MYCN: variants seen among roughly 807,000 people sequenced by gnomAD.
MYCN encodes MYCN proto-oncogene, bHLH transcription factor, also known as N-myc proto-oncogene protein.
A neutral mutation model predicts 28.1 loss-of-function variants in MYCN; 3 were observed. That is an observed-to-expected ratio of 0.11 (90% CI 0.05 to 0.28). MYCN has a LOEUF of 0.28. MYCN is among the 10% of genes least tolerant of loss of function. MYCN has a pLI of 1.00. For synonymous variants in MYCN, 326 were observed against 288.3 expected (o/e 1.13, Z -1.32); for missense variants, 572 against 651.4 (o/e 0.88, Z 1.33).
In MYCN at chr2:15,942,133, G is replaced by C. The variant is rs141260022; in HGVS notation, c.69G>C (p.Ser23=). Residue 23 remains serine, a synonymous_variant, in exon 2 of 3, where the codon TCG becomes TCC. Transcript: ENST00000281043. This position sits in a 1 kb window ranked among gnomAD's most constrained non-coding sequence, Gnocchi z 7.0. The part of the protein sequence containing the change: ...ICKNPDLEFD[S]LQPCFYPDED... ...AGAACCCAGACCTCGAGTTTGACTC[G>C]CTACAGCCCTGCTTCTACCCGGACG... The C allele has an allele frequency of 6.2e-7, 1 of 1,613,948 alleles. No homozygotes were observed. Among genetic ancestry groups the C allele is most frequent in the Admixed American group, 1.7e-5 (1 of 60,026 alleles).
Position 15,941,804 on chromosome 2 carries a change from C to T in MYCN, c.-117-144C>T. 1.7e-6 allele frequency: 1 copy of T among 587,832 alleles called. No individual in the cohort carries two copies. Among genetic ancestry groups the T allele is most frequent in the East Asian group, 2.8e-5 (1 of 35,308 alleles). The allele number at this position is 587,832 out of a possible 1,614,324, so 36.4% of individuals were successfully genotyped here. A position where few individuals can be genotyped will look rare whatever the true frequency, so the allele number is the denominator to read the frequency against. On this transcript the variant is annotated intron_variant, in intron 1 of 2. Transcript: ENST00000281043. This position sits in a 1 kb window ranked among gnomAD's most constrained non-coding sequence, Gnocchi z 4.8. ...GGCGGGAGGGAGGGAGCGAGAGGCA[C>T]AACTTCCTCCACCTTCGGGAGCAGT...
Position 15,941,771 on chromosome 2 carries a change from A to T in MYCN, c.-117-177A>T. 1 of 539,316 alleles carries T rather than the reference A, an allele frequency of 1.9e-6. No individual in the cohort carries two copies. Among genetic ancestry groups the T allele is most frequent in the East Asian group, 3.2e-5 (1 of 31,132 alleles). The allele number at this position is 539,316 out of a possible 1,614,324, so 33.4% of individuals were successfully genotyped here. On this transcript the variant is annotated intron_variant, in intron 1 of 2. Coordinates refer to ENST00000281043, the MANE Select transcript of MYCN (RefSeq NM_005378.6). The surrounding 1 kb of genome is among the most constrained non-coding windows in gnomAD (Gnocchi z 4.8). ...CCCCTGTCGTAGACAGCTTGTACAC[A>T]AAAGGAGGGCGGGAGGGAGGGAGCG... is the stretch of plus-strand genomic sequence containing the variant.
rs1024149954 is a variant in MYCN at position 15,946,694 on chromosome 2, T to C, written c.*597T>C. The C allele has an allele frequency of 4.3e-6, 1 of 233,966 alleles. No individual in the cohort carries two copies. Among genetic ancestry groups the C allele is most frequent in the African/African-American group, 2.2e-5 (1 of 45,206 alleles). The allele number at this position is 233,966 out of a possible 1,614,324, so 14.5% of individuals were successfully genotyped here. ...TAATTCTTACACTGCCTGTATACTTTAGTATGACGCTGATACATAACTAAA... is the reference window on the plus strand; with the variant it reads ...TAATTCTTACACTGCCTGTATACTTCAGTATGACGCTGATACATAACTAAA... On this transcript the variant is annotated 3_prime_UTR_variant, in exon 3 of 3. Transcript: ENST00000281043.
In MYCN at chr2:15,945,246, C is replaced by G. The variant is rs542070406; in HGVS notation, c.791-247C>G. ...AACTCCTCATCTCAGGTGATCTGCC[C>G]GCCTCCGCTTCCCAAAGTGCTGGGA... On this transcript the variant is annotated intron_variant, in intron 2 of 2. Coordinates refer to ENST00000281043, the MANE Select transcript of MYCN (RefSeq NM_005378.6). This position sits in a 1 kb window ranked among gnomAD's most constrained non-coding sequence, Gnocchi z 4.8. Among the ~76,000 whole-genome samples, 3 of 151,994 alleles carry G rather than the reference C, an allele frequency of 2.0e-5. No individual in the cohort carries two copies. The highest frequency in any genetic ancestry group is 6.6e-5 in the Admixed American group (1 of 15,258).
chr2:15,941,904 C>A lies in MYCN; in HGVS notation c.-117-44C>A. The A allele has an allele frequency of 1.2e-6, 1 of 832,194 alleles. No homozygotes were observed. Among genetic ancestry groups the A allele is most frequent in the Non-Finnish European group, 1.9e-6 (1 of 524,762 alleles). The allele number at this position is 832,194 out of a possible 1,614,324, so 51.6% of individuals were successfully genotyped here. ...GGCGCCCATTGCCTATCCCCTCGGT[C>A]TGCCCCGTTTGCCCACCCTCTCCGG... On this transcript the variant is annotated intron_variant, in intron 1 of 2. Coordinates refer to ENST00000281043, the MANE Select transcript of MYCN (RefSeq NM_005378.6). This position sits in a 1 kb window ranked among gnomAD's most constrained non-coding sequence, Gnocchi z 4.8.
chr2:15,942,419 G>T lies in MYCN; in HGVS notation c.355G>T (p.Gly119Cys). ...CATCCTCCAGGACTGCATGTGGAGC[G>T]GCTTCTCCGCCCGCGAGAAGCTGGA... ...PVILQDCMWS[G>C]FSAREKLERA... is the part of the protein sequence containing the mutation. Residue 119 changes from glycine (G) to cysteine (C), a missense_variant, in exon 2 of 3, where the codon GGC becomes TGC. By Grantham distance (159) the Gly-to-Cys change is radical. Transcript: ENST00000281043. The surrounding 1 kb of genome is among the most constrained non-coding windows in gnomAD (Gnocchi z 7.0). 1 of 1,603,008 alleles carries T rather than the reference G, an allele frequency of 6.2e-7. No individual in the cohort carries two copies. Among genetic ancestry groups the T allele is most frequent in the Non-Finnish European group, 8.5e-7 (1 of 1,178,238 alleles).
chr2:15,944,097 T>C (rs1662794413), intron 2 of MYCN, among the ~76,000 whole-genome samples: 1 of 152,092 alleles, frequency 6.6e-6, no homozygotes, highest in Non-Finnish European at 1.5e-5. Flanking sequence ...CAGCTTTTGG[T>C]GAGGAAGCAC....
At chr2:15,940,979 G>A (rs1662634834) in intron 1 of MYCN, 3 of 388,266 alleles carry the variant, frequency 7.7e-6, no homozygotes, top group Non-Finnish European at 4.5e-6. Flanking sequence ...CTTACCGGGG[G>A]GAGTAATGGC....
chr2:15,940,836 C>G (rs1662625304), intron 1 of MYCN, 93 bp downstream of exon 1: 3 of 398,230 alleles, frequency 7.5e-6, no homozygotes, highest in Non-Finnish European at 1.3e-5. Flanking sequence ...ACGTGCGCAC[C>G]GGGCGCCCTA....
In MYCN at chr2:15,947,004, A is replaced by G. The variant is rs1662890803; in HGVS notation, c.*907A>G. On this transcript the variant is annotated 3_prime_UTR_variant, in exon 3 of 3. Transcript: ENST00000281043. Reference sequence around the variant, plus strand: ...ATGAAAATAAATAGCTTAAAATTAAATGATGCAACTCAACCTTTTCCTTAA... The same window carrying G: ...ATGAAAATAAATAGCTTAAAATTAAGTGATGCAACTCAACCTTTTCCTTAA... The G allele has an allele frequency of 1.6e-5, 3 of 188,752 alleles. No homozygotes were observed. The allele number at this position is 188,752 out of a possible 1,614,324, so 11.7% of individuals were successfully genotyped here. A position where few individuals can be genotyped will look rare whatever the true frequency, so the allele number is the denominator to read the frequency against.
chr2:15,946,079 A>G lies in MYCN; in HGVS notation c.1377A>G (p.Glu459=), dbSNP rs767377492. Residue 459 remains glutamate, a synonymous_variant, in exon 3 of 3, where the codon GAA becomes GAG. Transcript: ENST00000281043. ...AGCAGCAGTTGCTAAAGAAAATTGA[A>G]CACGCTCGGACTTGCTAGACGCTTC... ...ARQQQLLKKI[E]HARTC The G allele has an allele frequency of 5.3e-5, 85 of 1,614,096 alleles. No individual in the cohort carries two copies. The highest frequency in any genetic ancestry group is 3.0e-5 in the Non-Finnish European group (35 of 1,180,062).
Position 15,942,816 on chromosome 2 carries a change from C to G in MYCN, c.752C>G (p.Ala251Gly). The G allele has an allele frequency of 6.4e-7, 1 of 1,558,486 alleles. No homozygotes were observed. The highest frequency in any genetic ancestry group is 8.6e-7 in the Non-Finnish European group (1 of 1,159,420). Residue 251 changes from alanine to glycine, a missense_variant, in exon 2 of 3, where the codon GCC (alanine) becomes GGC (glycine). Coordinates refer to ENST00000281043, the MANE Select transcript of MYCN (RefSeq NM_005378.6). The surrounding 1 kb of genome is among the most constrained non-coding windows in gnomAD (Gnocchi z 7.0). ...GRQTSGGDHK[A>G]LSTSGEDTLS... Reference sequence around the variant, plus strand: ...CAGACCAGCGGCGGCGACCACAAGGCCCTCAGTACCTCCGGAGAGGACACC... The same window carrying G: ...CAGACCAGCGGCGGCGACCACAAGGGCCTCAGTACCTCCGGAGAGGACACC...
chr2:15,945,806 G>T lies in MYCN; in HGVS notation c.1104G>T (p.Lys368Asn). 1 of 1,614,078 alleles carries T rather than the reference G, an allele frequency of 6.2e-7. No individual in the cohort carries two copies. The highest frequency in any genetic ancestry group is 8.5e-7 in the Non-Finnish European group (1 of 1,180,042). The stretch of plus-strand genomic sequence containing the variant: ...AGAGTGTCATCCCCCCAAAGGCTAA[G>T]AGCTTGAGCCCCCGAAACTCTGACT... ...PLKSVIPPKA[K>N]SLSPRNSDSE... Residue 368 changes from lysine (K) to asparagine (N), a missense_variant, in exon 3 of 3, where the codon AAG (lysine) becomes AAT (asparagine). This residue lies in a region of MYCN where 499 missense variants were observed against 524.3 expected (regional missense o/e 0.95). Coordinates refer to ENST00000281043, the MANE Select transcript of MYCN (RefSeq NM_005378.6). This position sits in a 1 kb window ranked among gnomAD's most constrained non-coding sequence, Gnocchi z 4.8.
chr2:15,943,418 T>C (rs887808971), intron 2 of MYCN, among the ~76,000 whole-genome samples: 6 of 150,776 alleles, frequency 4.0e-5, no homozygotes, highest in Non-Finnish European at 7.4e-5. Flanking sequence ...TTTTTTTTTT[T>C]CAAATGTCGG....
rs1277611213 is a variant in MYCN at position 15,946,988 on chromosome 2, A to C, written c.*891A>C. On this transcript the variant is annotated 3_prime_UTR_variant, in exon 3 of 3. Transcript: ENST00000281043. The stretch of plus-strand genomic sequence containing the variant: ...GAAATACCTCATGTTTATGAAAATA[A>C]ATAGCTTAAAATTAAATGATGCAAC... The C allele has an allele frequency of 5.2e-6, 1 of 193,512 alleles. No individual in the cohort carries two copies. Among genetic ancestry groups the C allele is most frequent in the Non-Finnish European group, 1.1e-5 (1 of 92,562 alleles). The allele number at this position is 193,512 out of a possible 1,614,324, so 12.0% of individuals were successfully genotyped here.
chr2:15,943,421 A>G lies in MYCN; in HGVS notation c.790+567A>G, dbSNP rs544897028. ...TCTTTTTCTTTTTTTTTTTTTTTCAAATGTCGGTACCTTTCCCTTCCCCCA... is the reference window on the plus strand; with the variant it reads ...TCTTTTTCTTTTTTTTTTTTTTTCAGATGTCGGTACCTTTCCCTTCCCCCA... On this transcript the variant is annotated intron_variant, in intron 2 of 2. Coordinates refer to ENST00000281043, the MANE Select transcript of MYCN (RefSeq NM_005378.6). 6.8e-4 allele frequency among the ~76,000 whole-genome samples: 96 copies of G among 140,408 alleles called. 1 individual carries two copies. The highest frequency in any genetic ancestry group is 2.4e-3 in the African/African-American group (88 of 37,444). The allele number at this position is 140,408 out of a possible 152,430, so 92.1% of individuals were successfully genotyped here.
Position 15,945,784 on chromosome 2 carries a change from G to T in MYCN, c.1082G>T (p.Ser361Ile). The change falls in exon 3 of 3, where the codon AGT becomes ATT. Residue 361 changes from serine (S) to isoleucine (I), a missense_variant. Ser to Ile is a moderately radical substitution (Grantham distance 142). Coordinates refer to ENST00000281043, the MANE Select transcript of MYCN (RefSeq NM_005378.6). This position sits in a 1 kb window ranked among gnomAD's most constrained non-coding sequence, Gnocchi z 4.8. ...KSEASPRPLK[S>I]VIPPKAKSLS... The stretch of plus-strand genomic sequence containing the variant: ...GAGGCGTCCCCACGTCCGCTCAAGA[G>T]TGTCATCCCCCCAAAGGCTAAGAGC... The T allele has an allele frequency of 2.5e-6, 4 of 1,614,108 alleles. No individual in the cohort carries two copies. The highest frequency in any genetic ancestry group is 1.7e-5 in the Admixed American group (1 of 60,024).
At chr2:15,940,885 C>T (rs923327954) in intron 1 of MYCN, 142 bp downstream of exon 1, 8 of 397,420 alleles carry the variant, frequency 2.0e-5, no homozygotes, top group Non-Finnish European at 3.1e-5. Context: ...GAAACAAAAC[C>T]ATCTCTGGGT....
At position 15,941,828 on chromosome 2, in the gene MYCN, G is replaced by A. The variant is rs1425227063; in HGVS notation, c.-117-120G>A. ...ACAACTTCCTCCACCTTCGGGAGCA[G>A]TGGGCAGAGTGGGGGGCTTGGAGGG... On this transcript the variant is annotated intron_variant, in intron 1 of 2. Transcript: ENST00000281043. This position sits in a 1 kb window ranked among gnomAD's most constrained non-coding sequence, Gnocchi z 4.8. 1.5e-5 allele frequency: 9 copies of A among 598,698 alleles called. No individual in the cohort carries two copies. Among genetic ancestry groups the A allele is most frequent in the Non-Finnish European group, 2.4e-5 (8 of 336,298 alleles). 37.1% of individuals were successfully genotyped at this position (598,698 alleles called of 1,614,324 possible).
Sources: allele counts gnomAD v4.1 joint callset (sites outside exome capture counted in the v4.1 genomes callset), GRCh38; gene constraint gnomAD v4.1.1; regional missense constraint gnomAD v4.1.1; non-coding constraint Gnocchi (gnomAD v3.1); transcripts MANE v1.5; gene names NCBI Gene and HGNC (gene_info 2026-07-23, HGNC 2026-07-21).